KCNH5: variants seen among roughly 807,000 people sequenced by gnomAD.
The protein encoded by KCNH5 is voltage-gated delayed rectifier potassium channel KCNH5.
In KCNH5, 46 loss-of-function variants were observed where a neutral mutation model predicts 96.1. The ratio of observed to expected loss-of-function variants is 0.48; its 90% CI spans 0.38 to 0.61. The LOEUF is 0.61. Ranked by LOEUF, KCNH5 falls within the 20% of genes least tolerant of loss-of-function variation. The pLI, the probability that KCNH5 is intolerant of heterozygous loss-of-function variation, is 0.00. For missense variants in KCNH5, 907 were observed against 1,225.8 expected, an observed-to-expected ratio of 0.74 and a Z score of 3.88; for synonymous variants, 439 against 449.8, an observed-to-expected ratio of 0.98 and a Z score of 0.30.
At chr14:62,820,766 G>T (rs978529701) in intron 8 of KCNH5, among the ~76,000 whole-genome samples, 9 of 152,000 alleles carry the variant, frequency 5.9e-5, no homozygotes, top group African/African-American at 2.2e-4. Flanking sequence ...TTGATTCCAT[G>T]TCTTTGCTAT....
At chr14:63,023,318 C>T (rs1489181088) in intron 1 of KCNH5, among the ~76,000 whole-genome samples, 1 of 152,064 alleles carries the variant, frequency 6.6e-6, no homozygotes, top group South Asian at 2.1e-4. Flanking sequence ...TAGCACAGTG[C>T]CTGACACATA....
intron 8 of KCNH5, among the ~76,000 whole-genome samples, chr14:62,845,575 T>C (rs1395560609): frequency 6.6e-6 from 1 of 152,196 alleles, no homozygotes; most frequent in Non-Finnish European, 1.5e-5. Flanking sequence ...TTAGTTGGTA[T>C]TAGAAAAATC....
chr14:63,040,131 G>T (rs576012212), intron 1 of KCNH5, among the ~76,000 whole-genome samples: 14 of 151,916 alleles, frequency 9.2e-5, no homozygotes, highest in Middle Eastern at 3.4e-3. Flanking sequence ...TAAACTAAAG[G>T]GCTTCTTTAG....
chr14:62,735,707 G>A (rs1885141342), intron 10 of KCNH5, among the ~76,000 whole-genome samples: 1 of 152,104 alleles, frequency 6.6e-6, no homozygotes, highest in Non-Finnish European at 1.5e-5. Flanking sequence ...CTCCAACAAA[G>A]ATACGTTGAA....
At chr14:62,727,812 G>GT (rs1159481384) in intron 10 of KCNH5, among the ~76,000 whole-genome samples, 2 of 150,594 alleles carry the variant, frequency 1.3e-5, no homozygotes, top group Non-Finnish European at 2.9e-5. Context: ...TTATAAGCAG[G>GT]TAATTTTAAC....
In KCNH5 at chr14:62,950,305, T is replaced by C. The variant is rs1398206205; in HGVS notation, c.1197A>G (p.Pro399=). The change falls in exon 7 of 11, where the codon CCA becomes CCG. Residue 399 remains proline (P), a synonymous_variant. Transcript: ENST00000322893. ...TCCCAGCACTGGTATTGTAGCGATA[T>C]GGAGTCCCAATGCTCAAAGCCAGCT... ...LYQLALSIGT[P]YRYNTSAGIW... 2.5e-6 allele frequency: 4 copies of C among 1,613,942 alleles called. No individual in the cohort carries two copies. Among genetic ancestry groups the C allele is most frequent in the Admixed American group, 1.7e-5 (1 of 59,970 alleles).
chr14:62,849,724 C>A lies in KCNH5; in HGVS notation c.1498G>T (p.Gly500Cys). 4 of 1,613,848 alleles carry A rather than the reference C, an allele frequency of 2.5e-6. No individual in the cohort carries two copies. Among genetic ancestry groups the A allele is most frequent in the Non-Finnish European group, 3.4e-6 (4 of 1,179,864 alleles). ...DFLKLYQVPK[G>C]LSERVMDYIV... ...TAATCCATGACTCGCTCACTAAGGC[C>A]TTTTGGGACCTGATAGAGTTTTAGG... The change falls in exon 8 of 11, where the codon GGC becomes TGC. Residue 500 changes from glycine (G) to cysteine (C), a missense_variant. This residue lies in a region of KCNH5 where 95 missense variants were observed against 111.8 expected (regional missense o/e 0.85). Transcript: ENST00000322893.
intron 4 of KCNH5, among the ~76,000 whole-genome samples, chr14:62,995,427 T>A (rs1377424011): frequency 6.6e-6 from 1 of 152,142 alleles, no homozygotes; most frequent in Non-Finnish European, 1.5e-5. Flanking sequence ...CTTGTAAACA[T>A]CCTCAACTCC....
chr14:62,720,570 G>A (rs1884788260), intron 10 of KCNH5, among the ~76,000 whole-genome samples: 2 of 152,102 alleles, frequency 1.3e-5, no homozygotes, highest in Non-Finnish European at 2.9e-5. Context: ...GTGACACAGC[G>A]AGACTCTGTC....
chr14:62,786,143 A>G (rs529142085), intron 9 of KCNH5, among the ~76,000 whole-genome samples: 1,701 of 152,288 alleles, frequency 0.011, 27 homozygotes, highest in African/African-American at 0.039. Context: ...GTGAGCCGAG[A>G]TCACGCCACT....
intron 7 of KCNH5, among the ~76,000 whole-genome samples, chr14:62,895,149 C>T (rs1222370275): frequency 6.6e-6 from 1 of 152,146 alleles, no homozygotes; most frequent in African/African-American, 2.4e-5. Flanking sequence ...TGGCAAGGTT[C>T]TTTCCTACAT....
chr14:62,819,914 T>C (rs1342560630), intron 8 of KCNH5, among the ~76,000 whole-genome samples: 1 of 152,214 alleles, frequency 6.6e-6, no homozygotes, highest in Non-Finnish European at 1.5e-5. Flanking sequence ...TGATCAAAAT[T>C]AATTTGCACT....
chr14:62,855,746 T>C (rs1477839854), intron 7 of KCNH5, among the ~76,000 whole-genome samples: 1 of 152,122 alleles, frequency 6.6e-6, no homozygotes, highest in Non-Finnish European at 1.5e-5. Flanking sequence ...TTTTATAATA[T>C]GAACATTAAA....
chr14:62,722,792 C>A (rs1457293085), intron 10 of KCNH5, among the ~76,000 whole-genome samples: 1 of 152,074 alleles, frequency 6.6e-6, no homozygotes, highest in Non-Finnish European at 1.5e-5. Flanking sequence ...TCAGTCAGGG[C>A]AATTATTATT....
intron 7 of KCNH5, among the ~76,000 whole-genome samples, chr14:62,920,540 C>T (rs1480009093): frequency 6.6e-6 from 1 of 152,054 alleles, no homozygotes; most frequent in Non-Finnish European, 1.5e-5. Flanking sequence ...CCTTACACCT[C>T]CCTGAGTTCC....
intron 6 of KCNH5, among the ~76,000 whole-genome samples, chr14:62,958,234 A>C (rs17100580): frequency 0.013 from 1,924 of 152,336 alleles, 36 homozygotes; most frequent in African/African-American, 0.044. Context: ...TGACGCCAAC[A>C]AATACTTCAT....
At chr14:63,005,446 G>C (rs578006470) in intron 3 of KCNH5, among the ~76,000 whole-genome samples, 1 of 152,292 alleles carries the variant, frequency 6.6e-6, no homozygotes, top group East Asian at 1.9e-4. Context: ...ACATGGAACA[G>C]GCGTTTCCTG....
intron 1 of KCNH5, among the ~76,000 whole-genome samples, chr14:63,044,765 T>G (rs1891890668): frequency 1.3e-5 from 2 of 152,164 alleles, no homozygotes; most frequent in South Asian, 4.2e-4. Context: ...CTGCTCACTT[T>G]GGGGAAAAAT....
At chr14:62,944,566 TG>T (rs1415973808) in intron 7 of KCNH5, among the ~76,000 whole-genome samples, 1 of 152,062 alleles carries the variant, frequency 6.6e-6, no homozygotes, top group Non-Finnish European at 1.5e-5. Flanking sequence ...AGAATGCAGG[TG>T]GTTTGTTTTC....
Sources: allele counts gnomAD v4.1 joint callset (sites outside exome capture counted in the v4.1 genomes callset), GRCh38; gene constraint gnomAD v4.1.1; regional missense constraint gnomAD v4.1.1; transcripts MANE v1.5; gene names NCBI Gene and HGNC (gene_info 2026-07-23, HGNC 2026-07-21).